Variants in MRPL13 observed in about 807,000 individuals in gnomAD.
MRPL13 encodes mitochondrial ribosomal protein L13, also known as large ribosomal subunit protein uL13m.
In MRPL13, 33 loss-of-function variants were observed where a neutral mutation model predicts 29.0. That is an observed-to-expected ratio of 1.14 (90% confidence interval 0.86 to 1.52). The LOEUF (loss-of-function observed/expected upper bound fraction) is 1.52, where lower values mean the gene tolerates loss of function less well. Ranked by LOEUF, MRPL13 falls within the 40% of genes most tolerant of loss-of-function variation. The pLI is 0.00. For missense variants in MRPL13, 227 were observed against 216.7 expected (o/e 1.05, Z -0.30); for synonymous variants, 77 against 68.4 (o/e 1.13, Z -0.62).
In MRPL13 at chr8:120,438,083, C is replaced by T. The variant is rs1363641100; in HGVS notation, c.151+5102G>A. 5.9e-5 allele frequency among the ~76,000 whole-genome samples: 9 copies of T among 152,078 alleles called. No homozygotes were observed. In the East Asian group the frequency reaches 1.2e-3, roughly 20 times the overall value. On this transcript the variant is annotated intron_variant, in intron 2 of 6. Coordinates refer to ENST00000306185, the MANE Select transcript of MRPL13 (RefSeq NM_014078.6). Reference sequence around the variant, plus strand: ...TACATATTAAATACACTGAAACATGCCCAGGCAAGGTGGCTCACATCTGTA... The same window carrying T: ...TACATATTAAATACACTGAAACATGTCCAGGCAAGGTGGCTCACATCTGTA...
At chr8:120,400,741 TAAAA>T (rs200517890) in intron 6 of MRPL13, among the ~76,000 whole-genome samples, 11,831 of 83,082 alleles carry the variant, frequency 0.14, 720 homozygotes, top group African/African-American at 0.25. Flanking sequence ...AATAAATAAA[TAAAA>T]AAAATAGACT....
chr8:120,401,754 T>A (rs1812600515), intron 6 of MRPL13, among the ~76,000 whole-genome samples: 1 of 152,092 alleles, frequency 6.6e-6, no homozygotes, highest in African/African-American at 2.4e-5. Flanking sequence ...GAAAATCCCA[T>A]CGTTTCATCC....
intron 3 of MRPL13, among the ~76,000 whole-genome samples, chr8:120,430,549 G>A (rs115150781): frequency 0.012 from 1,901 of 152,278 alleles, 49 homozygotes; most frequent in African/African-American, 0.044. Context: ...CTCTTTGAGC[G>A]ATGAGGAAAT....
intron 3 of MRPL13, among the ~76,000 whole-genome samples, chr8:120,429,214 G>A (rs1429633736): frequency 6.6e-6 from 1 of 152,080 alleles, no homozygotes; most frequent in Non-Finnish European, 1.5e-5. Flanking sequence ...GGATGCAGCT[G>A]GAGGCTATTA....
At chr8:120,402,577 G>A (rs529236502) in intron 6 of MRPL13, among the ~76,000 whole-genome samples, 66 of 152,250 alleles carry the variant, frequency 4.3e-4, no homozygotes, top group African/African-American at 1.3e-3. Flanking sequence ...TACCATTCAG[G>A]ACATAGGCAT....
intron 5 of MRPL13, among the ~76,000 whole-genome samples, chr8:120,418,574 G>C (rs952196066): frequency 6.6e-6 from 1 of 151,968 alleles, no homozygotes; most frequent in African/African-American, 2.4e-5. Flanking sequence ...TGGGAACTAG[G>C]CTCATTTATT....
intron 5 of MRPL13, 51 bp downstream of exon 5, chr8:120,419,801 A>T: frequency 7.4e-7 from 1 of 1,358,188 alleles, no homozygotes; most frequent in Non-Finnish European, 1.0e-6. Context: ...AAAATGAAAC[A>T]TTTAATTGAA....
intron 6 of MRPL13, among the ~76,000 whole-genome samples, chr8:120,410,130 G>A (rs1812724026): frequency 1.3e-5 from 2 of 151,974 alleles, no homozygotes; most frequent in Non-Finnish European, 2.9e-5. Context: ...ATTAATAATA[G>A]TTCAAATTAT....
chr8:120,433,346 A>T (rs1215745849), intron 2 of MRPL13, among the ~76,000 whole-genome samples: 1 of 152,148 alleles, frequency 6.6e-6, no homozygotes, highest in African/African-American at 2.4e-5. Context: ...CATTTACAGC[A>T]GAAGAAGATT....
At chr8:120,440,645 G>C (rs114258068) in intron 2 of MRPL13, among the ~76,000 whole-genome samples, 1 of 150,166 alleles carries the variant, frequency 6.7e-6, no homozygotes, top group South Asian at 2.1e-4. Context: ...AAATGTGCTC[G>C]GCAGGCAAGT....
At chr8:120,408,888 A>G (rs1255893180) in intron 6 of MRPL13, among the ~76,000 whole-genome samples, 7 of 152,212 alleles carry the variant, frequency 4.6e-5, no homozygotes, top group African/African-American at 1.7e-4. Context: ...TAGACTGAAG[A>G]GGATGCTCAC....
intron 4 of MRPL13, among the ~76,000 whole-genome samples, chr8:120,424,582 T>C (rs566044596): frequency 3.3e-5 from 5 of 151,984 alleles, no homozygotes; most frequent in East Asian, 3.9e-4. Flanking sequence ...TTGGGCAACA[T>C]AGGAAAACCT....
chr8:120,412,879 A>G (rs1355451046), intron 6 of MRPL13, among the ~76,000 whole-genome samples: 1 of 152,184 alleles, frequency 6.6e-6, no homozygotes, highest in Non-Finnish European at 1.5e-5. Context: ...TAACTATGTG[A>G]TATTAGTCAA....
At chr8:120,400,320 A>T (rs1348515622) in intron 6 of MRPL13, among the ~76,000 whole-genome samples, 3 of 152,224 alleles carry the variant, frequency 2.0e-5, no homozygotes, top group Non-Finnish European at 4.4e-5. Flanking sequence ...AGGCTAAGAA[A>T]TTCACTCAAA....
Position 120,444,682 on chromosome 8 carries a change from A to C in MRPL13, c.27+386T>G, listed in dbSNP as rs562236184. Among the ~76,000 whole-genome samples, 3 of 152,190 alleles carry C rather than the reference A, an allele frequency of 2.0e-5. No homozygotes were observed. In the South Asian group the frequency reaches 6.2e-4, roughly 32 times the overall value. ...CCCAGCAGCCAGAGTGCTCCTTTTG[A>C]CACCAGGTCAGATCCTGTTACTCCG... On this transcript the variant is annotated intron_variant, in intron 1 of 6. Transcript: ENST00000306185.
At chr8:120,441,922 T>C (rs1813129274) in intron 2 of MRPL13, among the ~76,000 whole-genome samples, 1 of 152,312 alleles carries the variant, frequency 6.6e-6, no homozygotes, top group East Asian at 1.9e-4. Context: ...AAATGTTAAC[T>C]GTATTTAGGT....
intron 5 of MRPL13, chr8:120,419,607 A>G (rs1298111369): frequency 3.9e-6 from 1 of 255,244 alleles, no homozygotes; most frequent in East Asian, 8.5e-5. Flanking sequence ...AAAAGCAAGC[A>G]GTGATTAAAA....
intron 2 of MRPL13, among the ~76,000 whole-genome samples, chr8:120,436,211 T>C (rs1813052493): frequency 6.6e-6 from 1 of 152,176 alleles, no homozygotes; most frequent in African/African-American, 2.4e-5. Context: ...ATGAAACTGC[T>C]GTGCTATACA....
chr8:120,411,428 T>C (rs2130459608), intron 6 of MRPL13, among the ~76,000 whole-genome samples: 1 of 152,316 alleles, frequency 6.6e-6, no homozygotes, highest in African/African-American at 2.4e-5. Flanking sequence ...AATGATCATC[T>C]ATTTCTTAGA....
Sources: gnomAD v4.1 joint callset for allele counts (sites outside exome capture counted in the v4.1 genomes callset) on GRCh38, gnomAD v4.1.1 for gene constraint, MANE v1.5 for transcripts, NCBI Gene and HGNC (gene_info 2026-07-23, HGNC 2026-07-21) for gene names.